GSDMD: variants seen among roughly 807,000 people sequenced by gnomAD.
The protein encoded by GSDMD is gasdermin D, also known as gasdermin-D.
In GSDMD, 46 loss-of-function variants were observed where a neutral mutation model predicts 46.7. The ratio of observed to expected loss-of-function variants is 0.99; its 90% confidence interval spans 0.78 to 1.26. The LOEUF (loss-of-function observed/expected upper bound fraction) is 1.26. Ranked by LOEUF, GSDMD falls within the 50% of genes most tolerant of loss-of-function variation. The pLI is 0.00. For synonymous variants in GSDMD, 307 were observed against 283.1 expected (o/e 1.08, Z -0.85); for missense variants, 649 against 638.8 (o/e 1.02, Z -0.17).
Position 143,559,981 on chromosome 8 carries a change from G to GAGGACAGGGC in GSDMD, c.410+15_410+16insACAGGGCAGG. On this transcript the variant is annotated intron_variant, in intron 3 of 10. Coordinates refer to ENST00000262580, the MANE Select transcript of GSDMD (RefSeq NM_024736.7). Reference sequence around the variant, plus strand: ...CTGCTCCATGAGAGGTGGGCCCGAAGAGGGCAGGGCAGGGCAGGGCCCCAC... The same window carrying GAGGACAGGGC: ...CTGCTCCATGAGAGGTGGGCCCGAAGAGGACAGGGCAGGGCAGGGCAGGGCAGGGCCCCAC... The GAGGACAGGGC allele has an allele frequency of 2.5e-6, 4 of 1,588,500 alleles. No individual in the cohort carries two copies. Among genetic ancestry groups the GAGGACAGGGC allele is most frequent in the Non-Finnish European group, 3.4e-6 (4 of 1,161,170 alleles).
upstream of GSDMD, chr8:143,553,777 C>T (rs1405230057): frequency 6.8e-6 from 1 of 146,968 alleles, no homozygotes; most frequent in Non-Finnish European, 1.5e-5. Flanking sequence ...TCGTCACTGC[C>T]CGTTGACCTG....
chr8:143,562,293 G>C lies in GSDMD; in HGVS notation c.1081G>C (p.Gly361Arg). ...AVLECLVLSS[G>R]MLVPELAIPV... ...CCTGGAGTGCCTGGTGTTGTCCTCCGGAATGCTGGTGCCGGAACTCGCTAT... is the reference window on the plus strand; with the variant it reads ...CCTGGAGTGCCTGGTGTTGTCCTCCCGAATGCTGGTGCCGGAACTCGCTAT... Residue 361 changes from glycine to arginine, a missense_variant, in exon 9 of 11, where the codon GGA becomes CGA. Coordinates refer to ENST00000262580, the MANE Select transcript of GSDMD (RefSeq NM_024736.7). 6.4e-7 allele frequency: 1 copy of C among 1,551,264 alleles called. No homozygotes were observed. The highest frequency in any genetic ancestry group is 1.2e-5 in the South Asian group (1 of 84,722).
rs1365651267 is a variant in GSDMD, at chr8:143,561,424, G to A, written c.736+1G>A. ...AGGACCTTCCAGCCACCCGCGACAG[G>A]TGAGAGCCGAGAGCCCCCAGCATGG... On this transcript the variant is annotated splice_donor_variant, in intron 6 of 10. Coordinates refer to ENST00000262580, the MANE Select transcript of GSDMD (RefSeq NM_024736.7). LOFTEE classifies it high-confidence loss of function. The A allele has an allele frequency of 1.2e-6, 2 of 1,611,246 alleles. No homozygotes were observed. Among genetic ancestry groups the A allele is most frequent in the South Asian group, 1.1e-5 (1 of 90,798 alleles).
upstream of GSDMD, among the ~76,000 whole-genome samples, chr8:143,554,757 C>T (rs1015357919): frequency 6.8e-6 from 1 of 147,384 alleles, no homozygotes; most frequent in Admixed American, 6.8e-5. Flanking sequence ...TGCATGCACA[C>T]GCGCACAACA....
At chr8:143,559,017 T>A in intron 1 of GSDMD, 1 of 434,436 alleles carries the variant, frequency 2.3e-6, no homozygotes, top group Admixed American at 3.6e-5. Flanking sequence ...GACAGCTTGT[T>A]TCCTCCCAGC....
upstream of GSDMD, chr8:143,555,920 T>G (rs531957874): frequency 2.0e-5 from 3 of 152,060 alleles, no homozygotes; most frequent in Admixed American, 2.0e-4. Context: ...TTAAATAATT[T>G]TAAAAACTTA....
In GSDMD at chr8:143,561,412, C is replaced by T; in HGVS notation, c.725C>T (p.Pro242Leu). ...FPDKKQRTFQ[P>L]PATGHKRSTS... ...GATAAGAAGCAGAGGACCTTCCAGC[C>T]ACCCGCGACAGGTGAGAGCCGAGAG... The change falls in exon 6 of 11, where the codon CCA becomes CTA. Residue 242 changes from proline to leucine, a missense_variant. By Grantham distance (98) the Pro-to-Leu change is moderately conservative. Transcript: ENST00000262580. 3 of 1,611,310 alleles carry T rather than the reference C, an allele frequency of 1.9e-6. No individual in the cohort carries two copies. The highest frequency in any genetic ancestry group is 2.5e-6 in the Non-Finnish European group (3 of 1,179,440).
In GSDMD at chr8:143,558,416, G is replaced by A. The variant is rs1171662674; in HGVS notation, c.-40G>A. The A allele has an allele frequency of 2.7e-6, 4 of 1,507,162 alleles. No homozygotes were observed. Among genetic ancestry groups the A allele is most frequent in the African/African-American group, 1.4e-5 (1 of 69,630 alleles). The allele number at this position is 1,507,162 out of a possible 1,614,324, so 93.4% of individuals were successfully genotyped here. Reference sequence around the variant, plus strand: ...GACGGCTCCCAGGGAGAGCAGACGCGCCAGACGCGCCACCCTCGGGGCGCC... The same window carrying A: ...GACGGCTCCCAGGGAGAGCAGACGCACCAGACGCGCCACCCTCGGGGCGCC... On this transcript the variant is annotated 5_prime_UTR_variant, in exon 1 of 11. Coordinates refer to ENST00000262580, the MANE Select transcript of GSDMD (RefSeq NM_024736.7).
chr8:143,560,391 C>T, intron 3 of GSDMD: 1 of 635,332 alleles, frequency 1.6e-6, no homozygotes, highest in Non-Finnish European at 2.8e-6. Flanking sequence ...GGGGCCGCAC[C>T]TCGAGTCTGG....
At position 143,558,448 on chromosome 8, in the gene GSDMD, C is replaced by T. The variant is rs751973994; in HGVS notation, c.-8C>T. The T allele has an allele frequency of 6.0e-6, 9 of 1,497,292 alleles. No individual in the cohort carries two copies. In the South Asian group the frequency reaches 1.1e-4, roughly 19 times the overall value. The allele number at this position is 1,497,292 out of a possible 1,614,324, so 92.8% of individuals were successfully genotyped here. A position where few individuals can be genotyped will look rare whatever the true frequency, so the allele number is the denominator to read the frequency against. ...GCGCCACCCTCGGGGCGCCGACGGTCACGGTGAGCTGCGCCCCGCCCCCTC... is the reference window on the plus strand; with the variant it reads ...GCGCCACCCTCGGGGCGCCGACGGTTACGGTGAGCTGCGCCCCGCCCCCTC... On this transcript the variant is annotated 5_prime_UTR_variant, in exon 1 of 11. Transcript: ENST00000262580.
At chr8:143,562,573 G>A (rs1393501061) in intron 10 of GSDMD, 52 bp downstream of exon 10, 1 of 1,597,436 alleles carries the variant, frequency 6.3e-7, no homozygotes, top group Middle Eastern at 1.7e-4. Flanking sequence ...CAGTGGAAGG[G>A]GCCCTGTGGC....
chr8:143,558,311 C>T (rs1316801566), upstream of GSDMD: 5 of 1,517,634 alleles, frequency 3.3e-6, no homozygotes, highest in Admixed American at 4.1e-5. Context: ...GGGACGGTTC[C>T]GGGAGGGCGT....
Position 143,559,873 on chromosome 8 carries a change from C to A in GSDMD, c.314C>A (p.Ala105Glu). 1.2e-6 allele frequency: 2 copies of A among 1,612,776 alleles called. No homozygotes were observed. Among genetic ancestry groups the A allele is most frequent in the Non-Finnish European group, 1.7e-6 (2 of 1,179,970 alleles). The stretch of plus-strand genomic sequence containing the variant: ...GCAGCCCCAGGACAGGCAAAGATCG[C>A]AGGCGGGGCCGCGGTGTCTGACAGC... ...ELAAPGQAKI[A>E]GGAAVSDSSS... is the part of the protein sequence containing the mutation. The change falls in exon 3 of 11, where the codon GCA (alanine) becomes GAA (glutamate). Residue 105 changes from alanine to glutamate, a missense_variant. By Grantham distance (107) the Ala-to-Glu change is moderately radical. Transcript: ENST00000262580.
At chr8:143,560,924 GC>G in intron 4 of GSDMD, 77 bp from the exon 5 acceptor site, 2 of 1,485,562 alleles carry the variant, frequency 1.3e-6, no homozygotes, top group Admixed American at 2.0e-5. Flanking sequence ...CGGCGGGCCT[GC>G]CCCCGGCACC....
Position 143,560,748 on chromosome 8 carries a change from C to T in GSDMD, c.556C>T (p.Leu186=). 2 of 1,555,656 alleles carry T rather than the reference C, an allele frequency of 1.3e-6. No homozygotes were observed. The highest frequency in any genetic ancestry group is 1.4e-5 in the African/African-American group (1 of 73,772). ...GCGGGAGGGCTCGGGCCGGTTTTCC[C>T]TGCCCGGAGCCACGTGCTTGCAGGT... The part of the protein sequence containing the change: ...HKREGSGRFS[L]PGATCLQGEG... The change falls in exon 4 of 11, where the codon CTG becomes TTG. Residue 186 remains leucine (L), a synonymous_variant. Transcript: ENST00000262580.
At chr8:143,560,452 G>T in intron 3 of GSDMD, 151 bp from the exon 4 acceptor site, 1 of 737,482 alleles carries the variant, frequency 1.4e-6, no homozygotes, top group Admixed American at 2.8e-5. Flanking sequence ...TCCCCGTGGG[G>T]AGCACACGGA....
chr8:143,560,784 C>T lies in GSDMD; in HGVS notation c.579+13C>T. 6 of 1,517,792 alleles carry T rather than the reference C, an allele frequency of 4.0e-6. No homozygotes were observed. Among genetic ancestry groups the T allele is most frequent in the Non-Finnish European group, 5.3e-6 (6 of 1,132,456 alleles). 94.0% of individuals were successfully genotyped at this position (1,517,792 alleles called of 1,614,324 possible). A position where few individuals can be genotyped will look rare whatever the true frequency, so the allele number is the denominator to read the frequency against. On this transcript the variant is annotated intron_variant, in intron 4 of 10. Transcript: ENST00000262580. Reference sequence around the variant, plus strand: ...CACGTGCTTGCAGGTGTGTAGCCAGCCCCGGGCCACGCCTGGCCCCCCACG... The same window carrying T: ...CACGTGCTTGCAGGTGTGTAGCCAGTCCCGGGCCACGCCTGGCCCCCCACG...
Position 143,560,970 on chromosome 8 carries a change from G to T in GSDMD, c.580-32G>T, listed in dbSNP as rs1023744167. The T allele has an allele frequency of 2.5e-6, 4 of 1,603,994 alleles. No individual in the cohort carries two copies. The South Asian group carries it at 4.4e-5, about 18-fold the overall frequency. On this transcript the variant is annotated intron_variant, in intron 4 of 10. Transcript: ENST00000262580. ...CCCGCACCCCACGGCCCGGTGCCAG[G>T]GCCCAGCCCCGAGCCCATCTCCATG...
chr8:143,559,672 C>T lies in GSDMD; in HGVS notation c.218-105C>T, dbSNP rs1823401601. 7 of 1,402,542 alleles carry T rather than the reference C, an allele frequency of 5.0e-6. No homozygotes were observed. In the Admixed American group the frequency reaches 6.5e-5, roughly 13 times the overall value. The allele number at this position is 1,402,542 out of a possible 1,614,324, so 86.9% of individuals were successfully genotyped here. ...AGCTCTGGGCCTCTCTTCCAGAGGCCGGGGCCTTTCCAAAGGTCCCTCTGC... is the reference window on the plus strand; with the variant it reads ...AGCTCTGGGCCTCTCTTCCAGAGGCTGGGGCCTTTCCAAAGGTCCCTCTGC... On this transcript the variant is annotated intron_variant, in intron 2 of 10. Coordinates refer to ENST00000262580, the MANE Select transcript of GSDMD (RefSeq NM_024736.7).
Sources: allele counts gnomAD v4.1 joint callset (sites outside exome capture counted in the v4.1 genomes callset), GRCh38; gene constraint gnomAD v4.1.1; transcripts MANE v1.5; gene names NCBI Gene and HGNC (gene_info 2026-07-23, HGNC 2026-07-21).